CDK5RAP2: variants seen among roughly 807,000 people sequenced by gnomAD.
CDK5RAP2 encodes the protein CDK5 regulatory subunit-associated protein 2.
CDK5RAP2 carries 147 observed loss-of-function variants against 232.9 expected under a neutral mutation model. That is an observed-to-expected ratio of 0.63 (90% CI 0.55 to 0.72). The LOEUF is 0.72. CDK5RAP2 is among the 30% of genes least tolerant of loss of function. The pLI, the probability that CDK5RAP2 is intolerant of heterozygous loss-of-function variation, is 0.00. For synonymous variants in CDK5RAP2, 833 were observed against 833.7 expected (o/e 1.00, Z 0.01); for missense variants, 2,195 against 2,231.5 (o/e 0.98, Z 0.33).
intron 10 of CDK5RAP2, among the ~76,000 whole-genome samples, chr9:120,525,747 G>C (rs1053195039): frequency 2.0e-5 from 3 of 152,044 alleles, no homozygotes; most frequent in Non-Finnish European, 4.4e-5. Flanking sequence ...CTCCCAAGTA[G>C]CTGGGACCAC....
At chr9:120,559,545 G>T (rs1588656102) in intron 3 of CDK5RAP2, among the ~76,000 whole-genome samples, 5 of 122,212 alleles carry the variant, frequency 4.1e-5, no homozygotes, top group South Asian at 5.7e-4. Context: ...TTTCTCATGT[G>T]TACTTTTCCC....
chr9:120,439,924 T>A lies in CDK5RAP2; in HGVS notation c.3197A>T (p.Lys1066Ile), dbSNP rs1368032124. 1 of 1,614,080 alleles carries A rather than the reference T, an allele frequency of 6.2e-7. No individual in the cohort carries two copies. The highest frequency in any genetic ancestry group is 2.2e-5 in the East Asian group (1 of 44,904). ...PDDLASLPSC[K>I]ENPEDVLSPT... Reference sequence around the variant, plus strand: ...GCTCAGAACATCTTCAGGATTTTCTTTGCATGATGGCAAGCTGGCAAGGTC... The same window carrying A: ...GCTCAGAACATCTTCAGGATTTTCTATGCATGATGGCAAGCTGGCAAGGTC... Residue 1066 changes from lysine to isoleucine, a missense_variant, in exon 24 of 38, where the codon AAA (lysine) becomes ATA (isoleucine). Physicochemically the swap from Lys to Ile is moderately radical, Grantham distance 102. Coordinates refer to ENST00000349780, the MANE Select transcript of CDK5RAP2 (RefSeq NM_018249.6).
At chr9:120,408,987 C>A in intron 30 of CDK5RAP2, 140 bp downstream of exon 30, 1 of 777,060 alleles carries the variant, frequency 1.3e-6, no homozygotes, top group Non-Finnish European at 2.2e-6. Context: ...GTTGTAGGCG[C>A]ACCAGACGTA....
At chr9:120,421,245 C>A (rs1397478291) in intron 26 of CDK5RAP2, among the ~76,000 whole-genome samples, 10 of 152,142 alleles carry the variant, frequency 6.6e-5, no homozygotes. Flanking sequence ...CTGACAGCCC[C>A]CAGCCCCTTC....
chr9:120,537,117 T>C (rs887852460), intron 6 of CDK5RAP2, among the ~76,000 whole-genome samples: 1 of 152,136 alleles, frequency 6.6e-6, no homozygotes, highest in Non-Finnish European at 1.5e-5. Context: ...GGAGTAGATA[T>C]GAATCTCCAA....
At chr9:120,431,515 T>C (rs1202913219) in intron 25 of CDK5RAP2, among the ~76,000 whole-genome samples, 1 of 152,206 alleles carries the variant, frequency 6.6e-6, no homozygotes, top group Non-Finnish European at 1.5e-5. Context: ...AAGCACCCAA[T>C]AAAGATCAGT....
chr9:120,449,459 G>A (rs541550946), intron 21 of CDK5RAP2, among the ~76,000 whole-genome samples: 12 of 152,274 alleles, frequency 7.9e-5, no homozygotes, highest in Admixed American at 2.0e-4. Context: ...AGGGTTAAGA[G>A]GCTTTGCATA....
chr9:120,439,376 G>C (rs1263496301), intron 24 of CDK5RAP2, 23 bp downstream of exon 24: 5 of 1,598,572 alleles, frequency 3.1e-6, no homozygotes, highest in African/African-American at 1.3e-5. Context: ...CTTAAACGGG[G>C]AGACGGCAGA....
chr9:120,411,327 C>G (rs1250800889), intron 29 of CDK5RAP2, 31 bp downstream of exon 29: 4 of 1,336,042 alleles, frequency 3.0e-6, no homozygotes, highest in Non-Finnish European at 4.3e-6. Context: ...CTTTGGCGTT[C>G]CAGACTTCCA....
At chr9:120,576,707 C>CA (rs556774765) in intron 1 of CDK5RAP2, among the ~76,000 whole-genome samples, 132 of 135,014 alleles carry the variant, frequency 9.8e-4, no homozygotes, top group Middle Eastern at 3.9e-3. Context: ...GTCTCAACGA[C>CA]AAAAAAAAAA....
At chr9:120,505,329 G>A (rs972757274) in intron 12 of CDK5RAP2, among the ~76,000 whole-genome samples, 69 of 152,186 alleles carry the variant, frequency 4.5e-4, no homozygotes, top group Non-Finnish European at 9.4e-4. Context: ...ACCCATATAA[G>A]ACGGCAAACT....
chr9:120,449,980 A>G (rs1422657832), intron 21 of CDK5RAP2, among the ~76,000 whole-genome samples: 3 of 152,210 alleles, frequency 2.0e-5, no homozygotes, highest in African/African-American at 7.2e-5. Context: ...GATTAAACAT[A>G]GAGTTACCAT....
Position 120,471,740 on chromosome 9 carries a change from G to A in CDK5RAP2, c.1858+8C>T, listed in dbSNP as rs1564266436. 2.5e-6 allele frequency: 4 copies of A among 1,614,056 alleles called. No individual in the cohort carries two copies. The highest frequency in any genetic ancestry group is 1.1e-5 in the South Asian group (1 of 91,086). On this transcript the variant is annotated splice_region_variant and intron_variant, in intron 16 of 37. Coordinates refer to ENST00000349780, the MANE Select transcript of CDK5RAP2 (RefSeq NM_018249.6). Reference sequence around the variant, plus strand: ...ACCAAAGAGAAGCACATAGAATAAAGTGTGTACCTTCCCGCCTCCGAATTT... The same window carrying A: ...ACCAAAGAGAAGCACATAGAATAAAATGTGTACCTTCCCGCCTCCGAATTT...
chr9:120,432,830 T>G (rs1276454379), intron 25 of CDK5RAP2, among the ~76,000 whole-genome samples: 1 of 152,198 alleles, frequency 6.6e-6, no homozygotes, highest in Non-Finnish European at 1.5e-5. Flanking sequence ...CTCCACTTCC[T>G]AGGGCCTAGA....
chr9:120,521,794 C>G (rs2040676138), intron 11 of CDK5RAP2, among the ~76,000 whole-genome samples: 2 of 151,832 alleles, frequency 1.3e-5, no homozygotes, highest in Non-Finnish European at 1.5e-5. Flanking sequence ...TACAGGCGCC[C>G]ACCACCACAC....
At chr9:120,472,768 T>C (rs1170984187) in intron 15 of CDK5RAP2, among the ~76,000 whole-genome samples, 1 of 152,160 alleles carries the variant, frequency 6.6e-6, no homozygotes, top group African/African-American at 2.4e-5. Context: ...AGAATGTGCA[T>C]TAATCTTGGG....
intron 7 of CDK5RAP2, 71 bp from the exon 8 acceptor site, chr9:120,530,211 G>A (rs976276011): frequency 1.2e-5 from 14 of 1,148,826 alleles, no homozygotes; most frequent in African/African-American, 9.1e-5. Flanking sequence ...GAGGAGGAAG[G>A]AAATGGGGCC....
chr9:120,566,585 C>G (rs978051331), intron 3 of CDK5RAP2, among the ~76,000 whole-genome samples: 1 of 152,180 alleles, frequency 6.6e-6, no homozygotes, highest in African/African-American at 2.4e-5. Context: ...TCATGGCAAA[C>G]ACATAGAATG....
rs776536602 is a variant in CDK5RAP2 at position 120,550,791 on chromosome 9, C to G, written c.306+1G>C. The stretch of plus-strand genomic sequence containing the variant: ...ACAGTAATGAGAAATGGGCCACTCA[C>G]AGTTTTGTAGATATGTTCAGTGGGG... On this transcript the variant is annotated splice_donor_variant, in intron 4 of 37. Coordinates refer to ENST00000349780, the MANE Select transcript of CDK5RAP2 (RefSeq NM_018249.6). LOFTEE classifies it high-confidence loss of function. 8 of 1,547,378 alleles carry G rather than the reference C, an allele frequency of 5.2e-6. No homozygotes were observed. The highest frequency in any genetic ancestry group is 7.1e-6 in the Non-Finnish European group (8 of 1,119,074).
Sources: gnomAD v4.1 joint callset for allele counts (sites outside exome capture counted in the v4.1 genomes callset) on GRCh38, gnomAD v4.1.1 for gene constraint, MANE v1.5 for transcripts, NCBI Gene and HGNC (gene_info 2026-07-23, HGNC 2026-07-21) for gene names.